SPRED1: variants seen among roughly 807,000 people sequenced by gnomAD.
SPRED1 encodes the protein sprouty-related, EVH1 domain-containing protein 1.
SPRED1 carries 18 observed loss-of-function variants against 52.3 expected under a neutral mutation model. The ratio of observed to expected loss-of-function variants is 0.34; its 90% CI spans 0.24 to 0.51. The LOEUF (loss-of-function observed/expected upper bound fraction) is 0.51, where lower values mean the gene tolerates loss of function less well. Among genes scored for constraint, SPRED1 ranks in the 20% least tolerant of loss-of-function variants. The probability of loss-of-function intolerance (pLI) is 0.97; values close to 1 mark genes in which losing one functional copy is unlikely to be tolerated. For synonymous variants in SPRED1, 155 were observed against 179.7 expected, an observed-to-expected ratio of 0.86 and a Z score of 1.10; for missense variants, 485 against 551.0, an observed-to-expected ratio of 0.88 and a Z score of 1.20.
intron 1 of SPRED1, among the ~76,000 whole-genome samples, chr15:38,284,464 C>T (rs1468847600): frequency 6.6e-6 from 1 of 151,968 alleles, no homozygotes; most frequent in African/African-American, 2.4e-5. Flanking sequence ...TATATGATAA[C>T]ATGTTTTTTC....
intron 3 of SPRED1, 91 bp from the exon 4 acceptor site, chr15:38,324,672 A>G (rs1895674263): frequency 9.7e-7 from 1 of 1,029,068 alleles, no homozygotes; most frequent in Non-Finnish European, 1.5e-6. Flanking sequence ...TTAGTCTTCT[A>G]AAGTATTATA....
rs1382577449 is a variant in SPRED1 at position 38,253,063 on chromosome 15, G to A, written c.-123G>A. 7.5e-6 allele frequency: 6 copies of A among 796,356 alleles called. No homozygotes were observed. In the African/African-American group the frequency reaches 8.5e-5, roughly 11 times the overall value. 49.3% of individuals were successfully genotyped at this position (796,356 alleles called of 1,614,324 possible). ...CTGGGTGAGGCATCCACCATGGTGA[G>A]GCCCCTGTGCCGCTGCCCCCGCGCC... On this transcript the variant is annotated 5_prime_UTR_variant, in exon 1 of 7. Transcript: ENST00000299084.
intron 1 of SPRED1, among the ~76,000 whole-genome samples, chr15:38,267,666 T>C (rs964218829): frequency 2.6e-5 from 4 of 152,222 alleles, no homozygotes; most frequent in Non-Finnish European, 4.4e-5. Flanking sequence ...TTAGTCTTTA[T>C]AATAACCATG....
At chr15:38,305,630 G>A (rs927169504) in intron 2 of SPRED1, among the ~76,000 whole-genome samples, 1 of 150,994 alleles carries the variant, frequency 6.6e-6, no homozygotes, top group Admixed American at 6.6e-5. Flanking sequence ...TGGCTAAAAT[G>A]TATATAGACA....
chr15:38,267,099 C>G (rs1024056553), intron 1 of SPRED1, among the ~76,000 whole-genome samples: 3 of 152,144 alleles, frequency 2.0e-5, no homozygotes, highest in African/African-American at 7.2e-5. Flanking sequence ...AACTAAAAAC[C>G]CAGCACAGCT....
In SPRED1 at chr15:38,280,799, A is replaced by G. The variant is rs144943107; in HGVS notation, c.33-18574A>G. On this transcript the variant is annotated intron_variant, in intron 1 of 6. Coordinates refer to ENST00000299084, the MANE Select transcript of SPRED1 (RefSeq NM_152594.3). ...AAATAACTACTTGTGAACTCTATAG[A>G]TCTTCATTCAGAATATGTAATTGTA... Among the ~76,000 whole-genome samples the G allele has an allele frequency of 2.5e-3, 384 of 152,354 alleles. 12 individuals carry two copies. The East Asian group carries it at 0.064, about 26-fold the overall frequency.
chr15:38,261,546 T>C (rs554302480), intron 1 of SPRED1, among the ~76,000 whole-genome samples: 28 of 152,146 alleles, frequency 1.8e-4, no homozygotes, highest in African/African-American at 5.5e-4. Flanking sequence ...ATGACAGGAG[T>C]TATAATTTGT....
chr15:38,320,051 T>C (rs1895571500), intron 2 of SPRED1, among the ~76,000 whole-genome samples: 2 of 152,220 alleles, frequency 1.3e-5, no homozygotes, highest in Non-Finnish European at 2.9e-5. Context: ...ACCTAGGTAA[T>C]TGTAAAAATA....
chr15:38,294,001 A>C (rs1162996219), intron 1 of SPRED1, among the ~76,000 whole-genome samples: 1 of 152,038 alleles, frequency 6.6e-6, no homozygotes, highest in African/African-American at 2.4e-5. Flanking sequence ...ATAACTTTTC[A>C]ATTTTGTTTA....
intron 2 of SPRED1, among the ~76,000 whole-genome samples, chr15:38,314,985 C>T (rs951492944): frequency 6.6e-6 from 1 of 151,846 alleles, no homozygotes; most frequent in Non-Finnish European, 1.5e-5. Flanking sequence ...GCTCAGAACA[C>T]AGTGTTAAAC....
At chr15:38,321,720 A>T (rs1353309032) in intron 2 of SPRED1, among the ~76,000 whole-genome samples, 1 of 152,080 alleles carries the variant, frequency 6.6e-6, no homozygotes, top group Non-Finnish European at 1.5e-5. Flanking sequence ...CAGCCTCCTG[A>T]GTAGCTGGGA....
intron 2 of SPRED1, among the ~76,000 whole-genome samples, chr15:38,314,282 T>A (rs1003853361): frequency 6.6e-6 from 1 of 151,858 alleles, no homozygotes; most frequent in African/African-American, 2.4e-5. Flanking sequence ...AGACATATAT[T>A]CAGATATGTT....
intron 1 of SPRED1, among the ~76,000 whole-genome samples, chr15:38,261,092 A>G (rs1278895962): frequency 6.6e-6 from 1 of 152,218 alleles, no homozygotes; most frequent in African/African-American, 2.4e-5. Flanking sequence ...AAAGCAGTGC[A>G]TTTTATCACA....
rs568621537 is a variant in SPRED1, at chr15:38,256,810, T to TAC, written c.32+3605_32+3606dup. ...TACATTTTACGTATGTATATGTATG[T>TAC]ACACACACACACATATATATATATA... is the stretch of plus-strand genomic sequence containing the variant. On this transcript the variant is annotated intron_variant, in intron 1 of 6. Transcript: ENST00000299084. Among the ~76,000 whole-genome samples, 1,237 of 144,750 alleles carry TAC rather than the reference T, an allele frequency of 8.5e-3. 18 individuals are homozygous for TAC. Among genetic ancestry groups the TAC allele is most frequent in the African/African-American group, 0.029 (1,150 of 39,492 alleles). The allele number at this position is 144,750 out of a possible 152,430, so 95.0% of individuals were successfully genotyped here.
chr15:38,289,290 C>T (rs1894871591), intron 1 of SPRED1, among the ~76,000 whole-genome samples: 1 of 149,346 alleles, frequency 6.7e-6, no homozygotes, highest in African/African-American at 2.4e-5. Context: ...ATTACTTTTT[C>T]TGTATTTCAT....
intron 1 of SPRED1, among the ~76,000 whole-genome samples, chr15:38,263,671 T>C (rs1894247641): frequency 6.6e-6 from 1 of 152,180 alleles, no homozygotes; most frequent in Non-Finnish European, 1.5e-5. Flanking sequence ...CATTGACCTT[T>C]GTGGGAGTAA....
intron 1 of SPRED1, chr15:38,283,644 A>T: frequency 2.6e-6 from 1 of 386,012 alleles, no homozygotes; most frequent in Non-Finnish European, 3.5e-6. Context: ...TGAAGCTGAG[A>T]GTGTGATATG....
intron 2 of SPRED1, among the ~76,000 whole-genome samples, chr15:38,310,926 A>C (rs964498017): frequency 4.6e-5 from 7 of 152,000 alleles, no homozygotes; most frequent in Non-Finnish European, 7.4e-5. Context: ...TTCCTCTTCA[A>C]TCTATATGTC....
rs1276084034 is a variant in SPRED1 at position 38,355,953 on chromosome 15, G to A, written c.*4289G>A. ...GAAAAAAAAAGGCTTTAAGGTATTA[G>A]GTACTGTTTGCCTAGCAGCCAGGTG... On this transcript the variant is annotated 3_prime_UTR_variant, in exon 7 of 7. Transcript: ENST00000299084. 6.6e-6 allele frequency: 1 copy of A among 152,194 alleles called. No individual in the cohort carries two copies. The highest frequency in any genetic ancestry group is 1.5e-5 in the Non-Finnish European group (1 of 68,022). The allele number at this position is 152,194 out of a possible 1,614,324, so 9.4% of individuals were successfully genotyped here.
Sources: gnomAD v4.1 joint callset for allele counts (sites outside exome capture counted in the v4.1 genomes callset) on GRCh38, gnomAD v4.1.1 for gene constraint, MANE v1.5 for transcripts, NCBI Gene and HGNC (gene_info 2026-07-23, HGNC 2026-07-21) for gene names.